Variants in CSMD1 observed in about 807,000 individuals in gnomAD.
CSMD1 encodes the protein CUB and Sushi multiple domains 1, also known as CUB and sushi domain-containing protein 1.
A neutral mutation model predicts 417.5 loss-of-function variants in CSMD1; 213 were observed. The observed-to-expected ratio is 0.51, with a 90% confidence interval of 0.46 to 0.57. The LOEUF is 0.57. Among genes scored for constraint, CSMD1 ranks in the 20% least tolerant of loss-of-function variants. The probability of loss-of-function intolerance (pLI) is 0.00; values close to 1 mark genes in which losing one functional copy is unlikely to be tolerated. For missense variants in CSMD1, 6,923 were observed against 4,529.7 expected (o/e 1.53, Z -15.17); for synonymous variants, 2,862 against 1,736.8 (o/e 1.65, Z -16.11).
chr8:3,961,280 A>G (rs982516181), intron 5 of CSMD1, among the ~76,000 whole-genome samples: 9 of 152,238 alleles, frequency 5.9e-5, no homozygotes, highest in Admixed American at 2.6e-4. Context: ...TAAAAGTTAT[A>G]TAAGCATAAA....
At chr8:4,459,783 A>C (rs1013575743) in intron 2 of CSMD1, among the ~76,000 whole-genome samples, 1 of 152,216 alleles carries the variant, frequency 6.6e-6, no homozygotes, top group African/African-American at 2.4e-5. Context: ...TGAGAAAATT[A>C]ATTTTTGCTG....
chr8:3,135,716 C>T (rs925848851), intron 41 of CSMD1, among the ~76,000 whole-genome samples: 6 of 152,120 alleles, frequency 3.9e-5, no homozygotes, highest in Non-Finnish European at 7.3e-5. Context: ...GATCACATTT[C>T]TGACTCTGTG....
At chr8:4,821,642 T>C (rs1352508067) in intron 1 of CSMD1, among the ~76,000 whole-genome samples, 1 of 152,174 alleles carries the variant, frequency 6.6e-6, no homozygotes, top group African/African-American at 2.4e-5. Flanking sequence ...TTACTTCACC[T>C]AATGGGAATT....
At chr8:3,718,534 G>C (rs934866367) in intron 6 of CSMD1, among the ~76,000 whole-genome samples, 1 of 152,088 alleles carries the variant, frequency 6.6e-6, no homozygotes, top group Non-Finnish European at 1.5e-5. Context: ...TTCCTGATTG[G>C]TTATCAGAAT....
At chr8:4,842,817 T>C (rs1430698559) in intron 1 of CSMD1, among the ~76,000 whole-genome samples, 2 of 152,228 alleles carry the variant, frequency 1.3e-5, no homozygotes, top group African/African-American at 2.4e-5. Flanking sequence ...AAACAGTGAG[T>C]CACTTTCTCA....
intron 23 of CSMD1, among the ~76,000 whole-genome samples, chr8:3,310,162 A>G (rs1368406078): frequency 1.3e-5 from 2 of 152,232 alleles, no homozygotes; most frequent in East Asian, 3.9e-4. Context: ...AGGGTCATTC[A>G]AATATTTGAT....
At chr8:4,146,242 C>A (rs1271106684) in intron 3 of CSMD1, among the ~76,000 whole-genome samples, 1 of 151,108 alleles carries the variant, frequency 6.6e-6, no homozygotes, top group East Asian at 1.9e-4. Context: ...AAACCTCTCC[C>A]AGGACCCTCA....
intron 1 of CSMD1, among the ~76,000 whole-genome samples, chr8:4,704,646 T>C (rs919537956): frequency 6.6e-6 from 1 of 152,236 alleles, no homozygotes; most frequent in Non-Finnish European, 1.5e-5. Context: ...CATTCTTACC[T>C]TCTACTGGTC....
At chr8:4,368,566 C>T (rs1044526862) in intron 3 of CSMD1, among the ~76,000 whole-genome samples, 2 of 152,092 alleles carry the variant, frequency 1.3e-5, no homozygotes, top group Non-Finnish European at 2.9e-5. Context: ...CTTTTTTGTA[C>T]ATCTGGTAAA....
At chr8:4,610,193 T>C (rs975505482) in intron 2 of CSMD1, among the ~76,000 whole-genome samples, 2 of 152,152 alleles carry the variant, frequency 1.3e-5, no homozygotes. Flanking sequence ...AAAACTAGGA[T>C]GTAAACAAGA....
At chr8:3,643,488 G>A (rs372281003) in intron 7 of CSMD1, among the ~76,000 whole-genome samples, 2 of 151,968 alleles carry the variant, frequency 1.3e-5, no homozygotes, top group African/African-American at 4.8e-5. Flanking sequence ...GGATCACAAG[G>A]TCAGGAGATC....
At chr8:4,678,657 G>A (rs1011034976) in intron 1 of CSMD1, among the ~76,000 whole-genome samples, 3 of 152,086 alleles carry the variant, frequency 2.0e-5, no homozygotes, top group East Asian at 1.9e-4. Flanking sequence ...ATTTATCAGG[G>A]AAATGGATAC....
chr8:4,010,417 G>A (rs972250464), intron 4 of CSMD1, among the ~76,000 whole-genome samples: 7 of 151,972 alleles, frequency 4.6e-5, no homozygotes, highest in South Asian at 4.2e-4. Flanking sequence ...ACAAATTCTC[G>A]GTCATTTCAA....
intron 8 of CSMD1, among the ~76,000 whole-genome samples, chr8:3,603,927 G>A (rs1437692213): frequency 6.6e-6 from 1 of 152,168 alleles, no homozygotes; most frequent in Non-Finnish European, 1.5e-5. Context: ...CAAAGAAACA[G>A]CAGCTTTTTT....
chr8:3,380,556 G>A (rs1488962912), intron 18 of CSMD1, among the ~76,000 whole-genome samples: 1 of 152,148 alleles, frequency 6.6e-6, no homozygotes, highest in Non-Finnish European at 1.5e-5. Context: ...ATACTACGCA[G>A]CCATAAAAAA....
intron 1 of CSMD1, among the ~76,000 whole-genome samples, chr8:4,848,347 C>T (rs1395551090): frequency 6.6e-6 from 1 of 152,144 alleles, no homozygotes; most frequent in Non-Finnish European, 1.5e-5. Flanking sequence ...CAAGGATGGG[C>T]CACCTATACA....
intron 5 of CSMD1, among the ~76,000 whole-genome samples, chr8:3,903,822 G>C (rs150029965): frequency 1.3e-5 from 2 of 151,998 alleles, no homozygotes; most frequent in Non-Finnish European, 2.9e-5. Flanking sequence ...TGTTTTCTTC[G>C]AGCTCTGAGG....
At chr8:4,164,776 G>A (rs982320376) in intron 3 of CSMD1, among the ~76,000 whole-genome samples, 8 of 151,868 alleles carry the variant, frequency 5.3e-5, no homozygotes, top group Admixed American at 3.3e-4. Context: ...CCTGGGAGGC[G>A]GAGGCAGGAG....
chr8:4,392,888 G>C (rs574017283), intron 3 of CSMD1, among the ~76,000 whole-genome samples: 4 of 151,986 alleles, frequency 2.6e-5, no homozygotes, highest in African/African-American at 9.6e-5. Flanking sequence ...AGAATTGCTT[G>C]AACCCAGGAG....
Sources: gnomAD v4.1 joint callset for allele counts (sites outside exome capture counted in the v4.1 genomes callset) on GRCh38, gnomAD v4.1.1 for gene constraint, MANE v1.5 for transcripts, NCBI Gene and HGNC (gene_info 2026-07-23, HGNC 2026-07-21) for gene names.